Variants in RIPPLY3 observed in about 807,000 individuals in gnomAD.
RIPPLY3 encodes the protein ripply transcriptional repressor 3.
In RIPPLY3, 8 loss-of-function variants were observed where a neutral mutation model predicts 11.9. The observed-to-expected ratio is 0.67, with a 90% CI of 0.40 to 1.21. The LOEUF (loss-of-function observed/expected upper bound fraction) is 1.21. Ranked by LOEUF, RIPPLY3 falls within the 50% of genes most tolerant of loss-of-function variation. RIPPLY3 has a pLI of 0.01. For missense variants in RIPPLY3, 271 were observed against 246.0 expected (o/e 1.10, Z -0.68); for synonymous variants, 102 against 99.0 (o/e 1.03, Z -0.18).
intron 3 of RIPPLY3, among the ~76,000 whole-genome samples, chr21:37,017,247 G>T (rs987893889): frequency 2.0e-5 from 3 of 151,584 alleles, no homozygotes; most frequent in African/African-American, 7.3e-5. Context: ...GAATTTAGGG[G>T]TTCCAAATTT....
At chr21:37,006,692 A>C, upstream of RIPPLY3, 1 of 864,558 alleles carries the variant, frequency 1.2e-6, no homozygotes, top group Non-Finnish European at 1.5e-6. The surrounding 1 kb of genome is among the most constrained non-coding windows in gnomAD (Gnocchi z 5.2). Context: ...GCGCGCGGGT[A>C]GGTGAGCGCG....
At position 37,006,715 on chromosome 21, in the gene RIPPLY3, G is replaced by T; in HGVS notation, c.-58G>T. ...GTAGGTGAGCGCGTTAGCCCGAGTG[G>T]ATCTAGGCGCGCTCGTAGGCCGGCG... is the stretch of plus-strand genomic sequence containing the variant. On this transcript the variant is annotated 5_prime_UTR_variant, in exon 1 of 4. Transcript: ENST00000329553. This position sits in a 1 kb window ranked among gnomAD's most constrained non-coding sequence, Gnocchi z 5.2. The T allele has an allele frequency of 9.0e-7, 1 of 1,115,846 alleles. No individual in the cohort carries two copies. The highest frequency in any genetic ancestry group is 1.1e-6 in the Non-Finnish European group (1 of 884,852). 69.1% of individuals were successfully genotyped at this position (1,115,846 alleles called of 1,614,324 possible).
chr21:37,011,018 G>A (rs912479076), intron 2 of RIPPLY3, among the ~76,000 whole-genome samples: 8 of 150,448 alleles, frequency 5.3e-5, no homozygotes, highest in South Asian at 4.2e-4. Context: ...GCGGAGTTTC[G>A]CTCTTGTCGC....
At chr21:37,009,513 T>C (rs2069500101) in intron 2 of RIPPLY3, among the ~76,000 whole-genome samples, 2 of 152,268 alleles carry the variant, frequency 1.3e-5, no homozygotes, top group Admixed American at 1.3e-4. Flanking sequence ...CGATTATTTA[T>C]ACATATATCT....
rs1414349453 is a variant in RIPPLY3, at chr21:37,018,493, T to C, written c.*286T>C. 5 of 404,238 alleles carry C rather than the reference T, an allele frequency of 1.2e-5. No homozygotes were observed. Among genetic ancestry groups the C allele is most frequent in the Non-Finnish European group, 9.0e-6 (2 of 223,414 alleles). The allele number at this position is 404,238 out of a possible 1,614,324, so 25.0% of individuals were successfully genotyped here. A position where few individuals can be genotyped will look rare whatever the true frequency, so the allele number is the denominator to read the frequency against. ...ATCTCATAGAGCCAGTTTTCAAAGC[T>C]CCTTCTGCATTGTCACTCACTGATC... On this transcript the variant is annotated 3_prime_UTR_variant, in exon 4 of 4. Transcript: ENST00000329553.
chr21:37,011,191 C>CG (rs1335500459), intron 2 of RIPPLY3, among the ~76,000 whole-genome samples: 1 of 151,960 alleles, frequency 6.6e-6, no homozygotes, highest in South Asian at 2.1e-4. Context: ...GTAGTAGGGA[C>CG]GGGGGTTTCA....
intron 1 of RIPPLY3, among the ~76,000 whole-genome samples, chr21:37,007,164 C>A (rs965755589): frequency 6.6e-6 from 1 of 152,016 alleles, no homozygotes; most frequent in Non-Finnish European, 1.5e-5. Context: ...GTTAGCCAGC[C>A]GGGGACACTG....
intron 2 of RIPPLY3, 124 bp downstream of exon 2, chr21:37,008,347 C>A: frequency 3.2e-6 from 3 of 944,634 alleles, no homozygotes; most frequent in East Asian, 2.7e-5. Flanking sequence ...AACCCAGGAG[C>A]GCCTCGGGGT....
intron 1 of RIPPLY3, among the ~76,000 whole-genome samples, chr21:37,007,912 G>T (rs2069482079): frequency 6.6e-6 from 1 of 152,226 alleles, no homozygotes; most frequent in African/African-American, 2.4e-5. Flanking sequence ...CCTGATAATT[G>T]TGTGAGATTC....
intron 1 of RIPPLY3, 127 bp from the exon 2 acceptor site, chr21:37,008,030 A>G: frequency 1.1e-6 from 1 of 874,992 alleles, no homozygotes; most frequent in Non-Finnish European, 1.8e-6. Flanking sequence ...AACTCCAGGG[A>G]AAGTTCCTGG....
intron 3 of RIPPLY3, among the ~76,000 whole-genome samples, chr21:37,016,396 T>C (rs1465225286): frequency 1.3e-5 from 2 of 152,216 alleles, no homozygotes; most frequent in East Asian, 3.8e-4. Context: ...TCATCCATTA[T>C]TTATAGAAGG....
chr21:37,013,566 G>A lies in RIPPLY3; in HGVS notation c.187G>A (p.Asp63Asn). 2 of 1,613,728 alleles carry A rather than the reference G, an allele frequency of 1.2e-6. No individual in the cohort carries two copies. Among genetic ancestry groups the A allele is most frequent in the South Asian group, 2.2e-5 (2 of 91,000 alleles). Residue 63 changes from aspartate to asparagine, a missense_variant, in exon 3 of 4, where the codon GAC (aspartate) becomes AAC (asparagine). Asp to Asn is a conservative substitution (Grantham distance 23). Transcript: ENST00000329553. ...RTGRPLEPRA[D>N]QHTFGSKGAF... ...GTCGTTACAGCTTGAACCTAGGGCT[G>A]ACCAACACACTTTTGGATCAAAGGG...
chr21:37,011,857 G>A (rs2069525436), intron 2 of RIPPLY3, among the ~76,000 whole-genome samples: 1 of 146,640 alleles, frequency 6.8e-6, no homozygotes, highest in Non-Finnish European at 1.5e-5. Context: ...GGAGGCTGAG[G>A]CAGGAGAATC....
rs185454293 is a variant in RIPPLY3 at position 37,018,555 on chromosome 21, C to T, written c.*348C>T. 1 of 249,326 alleles carries T rather than the reference C, an allele frequency of 4.0e-6. No homozygotes were observed. The highest frequency in any genetic ancestry group is 5.0e-5 in the Admixed American group (1 of 19,954). 15.4% of individuals were successfully genotyped at this position (249,326 alleles called of 1,614,324 possible). ...TCTTCCTAGATAGTCGCCCACTCCA[C>T]CTCCTACTTAACCTGAGACTCATTA... On this transcript the variant is annotated 3_prime_UTR_variant, in exon 4 of 4. Coordinates refer to ENST00000329553, the MANE Select transcript of RIPPLY3 (RefSeq NM_018962.3).
At position 37,018,478 on chromosome 21, in the gene RIPPLY3, G is replaced by A; in HGVS notation, c.*271G>A. 1 of 444,150 alleles carries A rather than the reference G, an allele frequency of 2.3e-6. No homozygotes were observed. Among genetic ancestry groups the A allele is most frequent in the Non-Finnish European group, 4.0e-6 (1 of 247,626 alleles). 27.5% of individuals were successfully genotyped at this position (444,150 alleles called of 1,614,324 possible). Reference sequence around the variant, plus strand: ...GTCAACAGAGTTGTTATCTCATAGAGCCAGTTTTCAAAGCTCCTTCTGCAT... The same window carrying A: ...GTCAACAGAGTTGTTATCTCATAGAACCAGTTTTCAAAGCTCCTTCTGCAT... On this transcript the variant is annotated 3_prime_UTR_variant, in exon 4 of 4. Coordinates refer to ENST00000329553, the MANE Select transcript of RIPPLY3 (RefSeq NM_018962.3).
At chr21:37,012,504 G>C (rs2069535192) in intron 2 of RIPPLY3, among the ~76,000 whole-genome samples, 1 of 152,050 alleles carries the variant, frequency 6.6e-6, no homozygotes. Flanking sequence ...GCCTCCCAAA[G>C]TGCTGCCATT....
chr21:37,006,805 G>A lies in RIPPLY3; in HGVS notation c.33G>A (p.Lys11=). The A allele has an allele frequency of 8.1e-7, 1 of 1,230,546 alleles. No individual in the cohort carries two copies. 76.2% of individuals were successfully genotyped at this position (1,230,546 alleles called of 1,614,324 possible). A position where few individuals can be genotyped will look rare whatever the true frequency, so the allele number is the denominator to read the frequency against. Residue 11 remains lysine, a synonymous_variant, in exon 1 of 4, where the codon AAG becomes AAA. Coordinates refer to ENST00000329553, the MANE Select transcript of RIPPLY3 (RefSeq NM_018962.3). This position sits in a 1 kb window ranked among gnomAD's most constrained non-coding sequence, Gnocchi z 5.2. Reference sequence around the variant, plus strand: ...CCGAAGCGGCGGCCGGAGCCCGGAAGGCGCGGGGGCGCGGCTGTCACTGCC... The same window carrying A: ...CCGAAGCGGCGGCCGGAGCCCGGAAAGCGCGGGGGCGCGGCTGTCACTGCC... The part of the protein sequence containing the change: MEPEAAAGAR[K]ARGRGCHCPG...
intron 2 of RIPPLY3, among the ~76,000 whole-genome samples, chr21:37,010,074 A>G (rs1174172822): frequency 2.0e-5 from 3 of 152,190 alleles, no homozygotes; most frequent in Admixed American, 2.0e-4. Flanking sequence ...AAAGCAGGAC[A>G]ATTCCCCAGC....
At chr21:37,013,462 T>A in intron 2 of RIPPLY3, 89 bp from the exon 3 acceptor site, 1 of 1,052,704 alleles carries the variant, frequency 9.5e-7, no homozygotes. Flanking sequence ...CAACTGCAGA[T>A]GACTTACGTT....
Sources: gnomAD v4.1 joint callset for allele counts (sites outside exome capture counted in the v4.1 genomes callset) on GRCh38, gnomAD v4.1.1 for gene constraint, Gnocchi (gnomAD v3.1) non-coding constraint, MANE v1.5 for transcripts, NCBI Gene and HGNC (gene_info 2026-07-23, HGNC 2026-07-21) for gene names.